The following RFX4 variants were observed in gnomAD, a reference collection of about 807,000 sequenced individuals.
RFX4 encodes the protein regulatory factor X4.
In RFX4, 10 loss-of-function variants were observed where a neutral mutation model predicts 95.0. The ratio of observed to expected loss-of-function variants is 0.11; its 90% CI spans 0.06 to 0.18. RFX4 has a LOEUF of 0.18. RFX4 is among the 10% of genes least tolerant of loss of function. The probability of loss-of-function intolerance (pLI) is 1.00; values close to 1 mark genes in which losing one functional copy is unlikely to be tolerated. For missense variants in RFX4, 640 were observed against 922.0 expected, an observed-to-expected ratio of 0.69 and a Z score of 3.96; for synonymous variants, 321 against 340.7, an observed-to-expected ratio of 0.94 and a Z score of 0.64.
chr12:106,741,853 G>C (rs990286058), intron 15 of RFX4, among the ~76,000 whole-genome samples: 2 of 152,186 alleles, frequency 1.3e-5, no homozygotes, highest in Non-Finnish European at 2.9e-5. Context: ...AGATCATCAG[G>C]CATAGACTCT....
intron 16 of RFX4, among the ~76,000 whole-genome samples, chr12:106,747,973 T>G (rs957410065): frequency 6.6e-6 from 1 of 151,362 alleles, no homozygotes; most frequent in Non-Finnish European, 1.5e-5. Flanking sequence ...AAGAGGGGTT[T>G]CCTTAGCAGC....
intron 15 of RFX4, among the ~76,000 whole-genome samples, chr12:106,739,938 T>C (rs1218360434): frequency 6.6e-6 from 1 of 152,216 alleles, no homozygotes; most frequent in Non-Finnish European, 1.5e-5. Flanking sequence ...AACATGACAT[T>C]GGGCTGCAAT....
Position 106,699,375 on chromosome 12 carries a change from G to T in RFX4, c.833+2929G>T, listed in dbSNP as rs148660409. On this transcript the variant is annotated intron_variant, in intron 8 of 17. Transcript: ENST00000392842. The stretch of plus-strand genomic sequence containing the variant: ...TGTACCTGAAAAAGCTATATATTCT[G>T]GTATCATTAGGTTAATTATTCTATA... 8.4e-4 allele frequency among the ~76,000 whole-genome samples: 127 copies of T among 152,070 alleles called. 1 individual carries two copies. The highest frequency in any genetic ancestry group is 2.9e-3 in the African/African-American group (120 of 41,496).
At chr12:106,612,368 T>C (rs1363526093) in intron 2 of RFX4, among the ~76,000 whole-genome samples, 1 of 152,252 alleles carries the variant, frequency 6.6e-6, no homozygotes, top group Non-Finnish European at 1.5e-5. Context: ...TTTTTGATGC[T>C]ATTGTACATG....
chr12:106,689,505 A>G (rs1294852644), intron 7 of RFX4, 141 bp downstream of exon 7: 1 of 682,626 alleles, frequency 1.5e-6, no homozygotes, highest in East Asian at 2.7e-5. Context: ...CTTCATCCTC[A>G]TGAGATCCCA....
intron 4 of RFX4, among the ~76,000 whole-genome samples, chr12:106,681,623 G>A (rs1288960244): frequency 6.6e-6 from 1 of 152,154 alleles, no homozygotes; most frequent in Non-Finnish European, 1.5e-5. Flanking sequence ...AAGGCCAGAA[G>A]GTAAGCAGGA....
rs150546531 is a variant in RFX4 at position 106,655,772 on chromosome 12, C to T, written c.315+1421C>T. Among the ~76,000 whole-genome samples the T allele has an allele frequency of 3.3e-5, 5 of 152,270 alleles. No homozygotes were observed. The East Asian group carries it at 9.7e-4, about 29-fold the overall frequency. ...CCCCAGCTTCCTCAGGGGGATGTTG[C>T]AAGAGTCAACTGAGATGATGTCAGT... is the stretch of plus-strand genomic sequence containing the variant. On this transcript the variant is annotated intron_variant, in intron 4 of 17. Coordinates refer to ENST00000392842, the MANE Select transcript of RFX4 (RefSeq NM_213594.3).
chr12:106,618,999 C>T (rs1003209437), intron 2 of RFX4, among the ~76,000 whole-genome samples: 1 of 152,156 alleles, frequency 6.6e-6, no homozygotes, highest in African/African-American at 2.4e-5. Flanking sequence ...TCTTCCCCCA[C>T]TTCAAGCTCA....
At chr12:106,726,173 G>A (rs1168062506) in intron 13 of RFX4, among the ~76,000 whole-genome samples, 2 of 151,320 alleles carry the variant, frequency 1.3e-5, no homozygotes, top group Non-Finnish European at 2.9e-5. Flanking sequence ...GCTTGATCCC[G>A]GGAGGCAGAG....
chr12:106,716,042 A>C (rs1459706546), intron 11 of RFX4, among the ~76,000 whole-genome samples: 1 of 152,206 alleles, frequency 6.6e-6, no homozygotes, highest in East Asian at 1.9e-4. Flanking sequence ...CCCGGTGAAC[A>C]AGGGCTTCCA....
Position 106,604,402 on chromosome 12 carries a change from G to A in RFX4, c.44-4395G>A, listed in dbSNP as rs146490451. 5.0e-4 allele frequency among the ~76,000 whole-genome samples: 76 copies of A among 152,214 alleles called. 1 individual carries two copies. Among genetic ancestry groups the A allele is most frequent in the Non-Finnish European group, 4.9e-4 (33 of 68,000 alleles). On this transcript the variant is annotated intron_variant, in intron 1 of 17. Coordinates refer to ENST00000392842, the MANE Select transcript of RFX4 (RefSeq NM_213594.3). ...CTCCCAAAGTGCTGGGATTACAGGTGTGAGCCACCACACCTGGCCGCTACA... is the reference window on the plus strand; with the variant it reads ...CTCCCAAAGTGCTGGGATTACAGGTATGAGCCACCACACCTGGCCGCTACA...
chr12:106,760,531 C>A (rs2043190483), intron 17 of RFX4, among the ~76,000 whole-genome samples: 2 of 152,148 alleles, frequency 1.3e-5, no homozygotes. Flanking sequence ...CACATTCACA[C>A]CAAGCCCAAT....
intron 1 of RFX4, among the ~76,000 whole-genome samples, chr12:106,588,131 T>A (rs2039489400): frequency 1.3e-5 from 2 of 152,348 alleles, no homozygotes; most frequent in South Asian, 4.1e-4. Context: ...ATCTGAAATA[T>A]GACCCACTGC....
intron 8 of RFX4, among the ~76,000 whole-genome samples, chr12:106,708,806 G>A (rs1056607425): frequency 1.3e-5 from 2 of 152,102 alleles, no homozygotes; most frequent in African/African-American, 4.8e-5. Flanking sequence ...GTTCTAATAT[G>A]GTCTTTGACT....
chr12:106,654,737 G>T (rs527353870), intron 4 of RFX4, among the ~76,000 whole-genome samples: 4 of 152,290 alleles, frequency 2.6e-5, no homozygotes, highest in African/African-American at 9.6e-5. Context: ...TAGATTGGAG[G>T]TGTGGGAGTC....
chr12:106,646,038 C>A, intron 3 of RFX4: 3 of 980,866 alleles, frequency 3.1e-6, no homozygotes, highest in Non-Finnish European at 2.8e-6. Context: ...GTATTTTGTG[C>A]TGTGGGTAAA....
chr12:106,602,912 A>G (rs1331727372), intron 1 of RFX4, among the ~76,000 whole-genome samples: 2 of 152,188 alleles, frequency 1.3e-5, no homozygotes, highest in Admixed American at 1.3e-4. Context: ...TCGAACTTAC[A>G]TGTTAAGGGT....
At chr12:106,734,761 T>C (rs1285446438) in intron 15 of RFX4, among the ~76,000 whole-genome samples, 1 of 151,558 alleles carries the variant, frequency 6.6e-6, no homozygotes, top group Non-Finnish European at 1.5e-5. Context: ...ATTGTTAAGA[T>C]GAGAACTAAA....
chr12:106,686,011 G>GCCTA (rs1565979028), intron 5 of RFX4, among the ~76,000 whole-genome samples: 1 of 152,198 alleles, frequency 6.6e-6, no homozygotes, highest in Non-Finnish European at 1.5e-5. Context: ...CCTATTTTGA[G>GCCTA]TTAATAAAAA....
Sources: allele counts gnomAD v4.1 joint callset (sites outside exome capture counted in the v4.1 genomes callset), GRCh38; gene constraint gnomAD v4.1.1; transcripts MANE v1.5; gene names NCBI Gene and HGNC (gene_info 2026-07-23, HGNC 2026-07-21).